Variants in RFX6 observed in about 807,000 individuals in gnomAD.
The protein encoded by RFX6 is regulatory factor X6.
A neutral mutation model predicts 110.8 loss-of-function variants in RFX6; 50 were observed. That is an observed-to-expected ratio of 0.45 (90% CI 0.36 to 0.57). The LOEUF is 0.57. Ranked by LOEUF, RFX6 falls within the 20% of genes least tolerant of loss-of-function variation. The pLI, the probability that RFX6 is intolerant of heterozygous loss-of-function variation, is 0.00. For missense variants in RFX6, 990 were observed against 1,127.0 expected, an observed-to-expected ratio of 0.88 and a Z score of 1.74; for synonymous variants, 383 against 411.2, an observed-to-expected ratio of 0.93 and a Z score of 0.83.
chr6:116,878,966 G>A (rs376042292), intron 2 of RFX6, among the ~76,000 whole-genome samples: 2 of 151,742 alleles, frequency 1.3e-5, no homozygotes, highest in South Asian at 2.1e-4. Flanking sequence ...AGTTGATGTC[G>A]TGGTTACTAG....
chr6:116,920,689 A>C (rs1775576666), intron 12 of RFX6, among the ~76,000 whole-genome samples: 1 of 152,180 alleles, frequency 6.6e-6, no homozygotes, highest in Admixed American at 6.6e-5. Context: ...GATTGAAAAA[A>C]AACCTGGTTT....
chr6:116,926,471 A>G (rs1775735650), intron 16 of RFX6, among the ~76,000 whole-genome samples: 1 of 152,130 alleles, frequency 6.6e-6, no homozygotes, highest in African/African-American at 2.4e-5. Context: ...ATCTTTTTAT[A>G]TACATTACTT....
At position 116,919,121 on chromosome 6, in the gene RFX6, A is replaced by G. The variant is rs1395146815; in HGVS notation, c.1023-16A>G. On this transcript the variant is annotated splice_polypyrimidine_tract_variant and intron_variant, in intron 10 of 18. Transcript: ENST00000332958. ...TTTTTAACAATGAAGCATTTAACAC[A>G]TAGCCTTCTTTGTAGCTTATTAGCA... 6.2e-7 allele frequency: 1 copy of G among 1,609,834 alleles called. No individual in the cohort carries two copies. Among genetic ancestry groups the G allele is most frequent in the Admixed American group, 1.7e-5 (1 of 59,970 alleles).
chr6:116,893,030 G>A (rs1175336913), intron 4 of RFX6, among the ~76,000 whole-genome samples: 3 of 152,064 alleles, frequency 2.0e-5, no homozygotes, highest in South Asian at 2.1e-4. Flanking sequence ...CGGAAACAAC[G>A]TTTTAAAATA....
intron 6 of RFX6, among the ~76,000 whole-genome samples, chr6:116,899,701 AC>A (rs1175891660): frequency 6.6e-6 from 1 of 152,190 alleles, no homozygotes; most frequent in African/African-American, 2.4e-5. Context: ...TTTCATATAA[AC>A]AATTAAATAT....
Position 116,920,450 on chromosome 6 carries a change from T to A in RFX6, c.1323T>A (p.Thr441=), listed in dbSNP as rs369278581. ...GSTDTESGIY[T]EHDSITVFQE... is the part of the protein sequence containing the mutation. ...CAGACACTGAATCTGGTATCTACAC[T>A]GAACGTAAGTCCATTCTCTTTGTTT... Residue 441 remains threonine, a synonymous_variant, in exon 12 of 19, where the codon ACT becomes ACA. Coordinates refer to ENST00000332958, the MANE Select transcript of RFX6 (RefSeq NM_173560.4). 6.2e-7 allele frequency: 1 copy of A among 1,612,934 alleles called. No homozygotes were observed. Among genetic ancestry groups the A allele is most frequent in the African/African-American group, 1.3e-5 (1 of 74,904 alleles).
chr6:116,906,547 T>C (rs1457598553), intron 6 of RFX6, among the ~76,000 whole-genome samples: 1 of 152,190 alleles, frequency 6.6e-6, no homozygotes, highest in Non-Finnish European at 1.5e-5. Flanking sequence ...AGCTCTTTTA[T>C]GTAGTTTGTA....
rs764389682 is a variant in RFX6, at chr6:116,916,036, C to G, written c.809C>G (p.Thr270Ser). 6.2e-6 allele frequency: 10 copies of G among 1,611,816 alleles called. No individual in the cohort carries two copies. The Admixed American group carries it at 1.3e-4, about 22-fold the overall frequency. Residue 270 changes from threonine to serine, a missense_variant, in exon 8 of 19, where the codon ACT becomes AGT. Physicochemically the swap from Thr to Ser is moderately conservative, Grantham distance 58. This residue lies in a region of RFX6 where 243 missense variants were observed against 353.1 expected (regional missense o/e 0.69). Coordinates refer to ENST00000332958, the MANE Select transcript of RFX6 (RefSeq NM_173560.4). ...GATACGCTCATAATGATGTACAAAACTCACTGCCAGTGTATCCTGGACAAT... is the reference window on the plus strand; with the variant it reads ...GATACGCTCATAATGATGTACAAAAGTCACTGCCAGTGTATCCTGGACAAT... The part of the protein sequence containing the change: ...KVDTLIMMYK[T>S]HCQCILDNAI...
chr6:116,921,735 G>A (rs1223553170), intron 12 of RFX6, among the ~76,000 whole-genome samples: 2 of 151,094 alleles, frequency 1.3e-5, no homozygotes, highest in Non-Finnish European at 2.9e-5. Flanking sequence ...AGGCAGGAGG[G>A]TCACTTGAGC....
At chr6:116,905,678 A>G (rs773849370) in intron 6 of RFX6, among the ~76,000 whole-genome samples, 3 of 151,864 alleles carry the variant, frequency 2.0e-5, no homozygotes, top group Non-Finnish European at 4.4e-5. Flanking sequence ...CAGCCTCCCA[A>G]GGAGCTGGGA....
In RFX6 at chr6:116,927,072, C is replaced by T; in HGVS notation, c.1931C>T (p.Pro644Leu). 1 of 1,614,024 alleles carries T rather than the reference C, an allele frequency of 6.2e-7. No individual in the cohort carries two copies. The highest frequency in any genetic ancestry group is 8.5e-7 in the Non-Finnish European group (1 of 1,179,912). Residue 644 changes from proline (P) to leucine (L), a missense_variant, in exon 17 of 19, where the codon CCC becomes CTC. Coordinates refer to ENST00000332958, the MANE Select transcript of RFX6 (RefSeq NM_173560.4). ...SQIAGHLMTP[P>L]ISPAMASRGS... is the part of the protein sequence containing the mutation. ...ATTGCTGGTCATCTGATGACACCAC[C>T]CATTTCTCCAGCCATGGCAAGCCGA...
At chr6:116,895,790 A>T (rs1774933718) in intron 6 of RFX6, among the ~76,000 whole-genome samples, 1 of 152,196 alleles carries the variant, frequency 6.6e-6, no homozygotes, top group Non-Finnish European at 1.5e-5. Flanking sequence ...ACACATGATA[A>T]GGCCTTCATT....
At chr6:116,890,842 A>G (rs1333871801) in intron 4 of RFX6, among the ~76,000 whole-genome samples, 2 of 152,184 alleles carry the variant, frequency 1.3e-5, no homozygotes, top group Admixed American at 6.6e-5. Context: ...GAGGCATTAA[A>G]TATTTCTATT....
chr6:116,922,164 G>A lies in RFX6; in HGVS notation c.1437+13G>A, dbSNP rs375762913. On this transcript the variant is annotated intron_variant, in intron 13 of 18. Coordinates refer to ENST00000332958, the MANE Select transcript of RFX6 (RefSeq NM_173560.4). ...GAGAGTTATTAAGGTACTTTTTAAT[G>A]ACAGATTCAGAAAATAAGTTCCTTG... is the stretch of plus-strand genomic sequence containing the variant. The A allele has an allele frequency of 1.4e-4, 161 of 1,136,668 alleles. No individual in the cohort carries two copies. In the African/African-American group the frequency reaches 2.2e-3, roughly 16 times the overall value. The allele number at this position is 1,136,668 out of a possible 1,614,324, so 70.4% of individuals were successfully genotyped here. A position where few individuals can be genotyped will look rare whatever the true frequency, so the allele number is the denominator to read the frequency against.
chr6:116,925,252 G>A (rs141971456), intron 15 of RFX6, among the ~76,000 whole-genome samples: 1 of 152,192 alleles, frequency 6.6e-6, no homozygotes, highest in Admixed American at 6.5e-5. Flanking sequence ...ATCCACATCC[G>A]CAAATATGCA....
At chr6:116,894,535 A>G (rs1186308702) in intron 5 of RFX6, among the ~76,000 whole-genome samples, 3 of 152,134 alleles carry the variant, frequency 2.0e-5, no homozygotes, top group Non-Finnish European at 2.9e-5. Context: ...GGGTGAAATT[A>G]CTGACCTGTT....
chr6:116,882,569 G>GAA lies in RFX6; in HGVS notation c.566+153_566+154dup, dbSNP rs34335008. On this transcript the variant is annotated intron_variant, in intron 4 of 18. Transcript: ENST00000332958. ...CAGACTTTTATCAACTGTGAGAACTGAAAAAAAAAAAAAGATTTTAGAATA... is the reference window on the plus strand; with the variant it reads ...CAGACTTTTATCAACTGTGAGAACTGAAAAAAAAAAAAAAAGATTTTAGAATA... 5.7e-3 allele frequency: 2,573 copies of GAA among 454,756 alleles called. 21 individuals carry two copies. Among genetic ancestry groups the GAA allele is most frequent in the African/African-American group, 0.032 (1,529 of 47,312 alleles). 28.2% of individuals were successfully genotyped at this position (454,756 alleles called of 1,614,324 possible).
At chr6:116,930,024 G>A (rs1268667158) in intron 18 of RFX6, among the ~76,000 whole-genome samples, 1 of 152,188 alleles carries the variant, frequency 6.6e-6, no homozygotes, top group Non-Finnish European at 1.5e-5. Context: ...TCCACTTCAG[G>A]AAGTTTTCTC....
At position 116,928,809 on chromosome 6, in the gene RFX6, A is replaced by G. The variant is rs991511320; in HGVS notation, c.2449A>G (p.Met817Val). 2 of 1,613,924 alleles carry G rather than the reference A, an allele frequency of 1.2e-6. No homozygotes were observed. Among genetic ancestry groups the G allele is most frequent in the South Asian group, 1.1e-5 (1 of 91,076 alleles). Residue 817 changes from methionine to valine, a missense_variant, in exon 18 of 19, where the codon ATG becomes GTG. Met to Val is a conservative substitution (Grantham distance 21, BLOSUM62 1). This residue lies in a region of RFX6 where 438 missense variants were observed against 441.9 expected (regional missense o/e 0.99). Coordinates refer to ENST00000332958, the MANE Select transcript of RFX6 (RefSeq NM_173560.4). Reference sequence around the variant, plus strand: ...CCCAGAGTCTCACAGGCTCGGATCAATGGTGAATCAGCACGTTTCTGTCAT... The same window carrying G: ...CCCAGAGTCTCACAGGCTCGGATCAGTGGTGAATCAGCACGTTTCTGTCAT... ...NYPESHRLGS[M>V]VNQHVSVISS...
Sources: gnomAD v4.1 joint callset for allele counts (sites outside exome capture counted in the v4.1 genomes callset) on GRCh38, gnomAD v4.1.1 for gene constraint, gnomAD v4.1.1 regional missense constraint, MANE v1.5 for transcripts, NCBI Gene and HGNC (gene_info 2026-07-23, HGNC 2026-07-21) for gene names.